Variants in MAP4K4 observed in about 807,000 individuals in gnomAD.
MAP4K4 encodes mitogen-activated protein kinase kinase kinase kinase 4, also known as HPK/GCK-like kinase HGK.
MAP4K4 carries 38 observed loss-of-function variants against 189.6 expected under a neutral mutation model. The observed-to-expected ratio is 0.20, with a 90% CI of 0.15 to 0.26. The LOEUF (loss-of-function observed/expected upper bound fraction) is 0.26, where lower values mean the gene tolerates loss of function less well. Ranked by LOEUF, MAP4K4 falls within the 10% of genes least tolerant of loss-of-function variation. The pLI, the probability that MAP4K4 is intolerant of heterozygous loss-of-function variation, is 1.00. For synonymous variants in MAP4K4, 610 were observed against 624.3 expected (o/e 0.98, Z 0.34); for missense variants, 1,054 against 1,726.9 (o/e 0.61, Z 6.91).
intron 6 of MAP4K4, among the ~76,000 whole-genome samples, chr2:101,830,082 A>G (rs2096549888): frequency 6.6e-6 from 1 of 151,656 alleles, no homozygotes; most frequent in African/African-American, 2.4e-5. Context: ...ACTTGACTTC[A>G]GTTTTGAAGT....
intron 2 of MAP4K4, among the ~76,000 whole-genome samples, chr2:101,786,354 C>T (rs551585045): frequency 7.2e-5 from 11 of 151,784 alleles, no homozygotes; most frequent in Non-Finnish European, 1.5e-4. Flanking sequence ...GAAAATCAGG[C>T]CATTTTCTTC....
At chr2:101,704,723 C>T (rs2041344100) in intron 2 of MAP4K4, among the ~76,000 whole-genome samples, 1 of 150,878 alleles carries the variant, frequency 6.6e-6, no homozygotes, top group Non-Finnish European at 1.5e-5. Context: ...CCAAGCCTGG[C>T]TAATTTTTGT....
rs1468940496 is a variant in MAP4K4, at chr2:101,767,075, A to G, written c.124-23645A>G. ...TATTGGTCCCTTTCCGTAACTAATC[A>G]GAGTTTGAAGTGAAGTTACAAAGTT... On this transcript the variant is annotated intron_variant, in intron 2 of 32. Transcript: ENST00000324219. Among the ~76,000 whole-genome samples, 5 of 152,330 alleles carry G rather than the reference A, an allele frequency of 3.3e-5. No individual in the cohort carries two copies. The East Asian group carries it at 5.8e-4, about 18-fold the overall frequency.
intron 2 of MAP4K4, among the ~76,000 whole-genome samples, chr2:101,725,081 G>C (rs1207579535): frequency 3.3e-5 from 5 of 152,194 alleles, no homozygotes; most frequent in Non-Finnish European, 1.5e-5. Context: ...GTGATGTGAT[G>C]TTTCTCACAT....
At chr2:101,737,439 A>C (rs2060677438) in intron 2 of MAP4K4, among the ~76,000 whole-genome samples, 1 of 31,318 alleles carries the variant, frequency 3.2e-5, no homozygotes, top group Non-Finnish European at 5.4e-5. Context: ...ATATATATAT[A>C]TATATATATA....
Position 101,831,579 on chromosome 2 carries a change from G to A in MAP4K4, c.509-142G>A. The A allele has an allele frequency of 4.5e-6, 4 of 883,316 alleles. No homozygotes were observed. In the South Asian group the frequency reaches 5.8e-5, roughly 13 times the overall value. The allele number at this position is 883,316 out of a possible 1,614,324, so 54.7% of individuals were successfully genotyped here. On this transcript the variant is annotated intron_variant, in intron 6 of 32. Coordinates refer to ENST00000324219, the Ensembl canonical transcript of MAP4K4. The stretch of plus-strand genomic sequence containing the variant: ...GGGGCACTCCTGACCAGTGGTGCCT[G>A]CCTTGAGCAGGATCGCATATTCATG...
intron 12 of MAP4K4, among the ~76,000 whole-genome samples, chr2:101,852,198 A>G (rs2097308110): frequency 6.6e-6 from 1 of 151,606 alleles, no homozygotes; most frequent in African/African-American, 2.4e-5. Context: ...AAATCTCAAG[A>G]CTTCGTGCTC....
chr2:101,877,902 A>G (rs2098258951), intron 27 of MAP4K4, among the ~76,000 whole-genome samples: 1 of 152,018 alleles, frequency 6.6e-6, no homozygotes, highest in Non-Finnish European at 1.5e-5. Context: ...GGCACTTCCC[A>G]CCATGCCCGG....
At chr2:101,881,596 T>G (rs1396930881) in intron 27 of MAP4K4, among the ~76,000 whole-genome samples, 1 of 152,208 alleles carries the variant, frequency 6.6e-6, no homozygotes, top group Non-Finnish European at 1.5e-5. Flanking sequence ...ATCCTTCACT[T>G]GTTCTCTATC....
chr2:101,761,022 T>C (rs2076148911), intron 2 of MAP4K4, among the ~76,000 whole-genome samples: 1 of 152,138 alleles, frequency 6.6e-6, no homozygotes, highest in Non-Finnish European at 1.5e-5. Flanking sequence ...TTGTTTAAAG[T>C]GGAATGTTTA....
exon 32 of MAP4K4, chr2:101,888,902 A>C: frequency 6.2e-7 from 1 of 1,613,150 alleles, no homozygotes; most frequent in South Asian, 1.1e-5. Context: ...AAAGGGCTCA[A>C]AGACTAAAAT....
intron 2 of MAP4K4, among the ~76,000 whole-genome samples, chr2:101,762,253 A>G (rs1315048505): frequency 6.6e-6 from 1 of 152,248 alleles, no homozygotes; most frequent in South Asian, 2.1e-4. Context: ...AGAAATCCTC[A>G]GTAAGAGAAT....
Position 101,859,778 on chromosome 2 carries a change from C to T in MAP4K4, c.1618C>T (p.Pro540Ser). The T allele has an allele frequency of 1.9e-6, 3 of 1,610,772 alleles. No individual in the cohort carries two copies. Among genetic ancestry groups the T allele is most frequent in the Non-Finnish European group, 2.5e-6 (3 of 1,178,746 alleles). Reference sequence around the variant, plus strand: ...GCACCCGCAGCACTCGCAGCAGCCGCCACCACCGCAGCAGGAAAGGAGCAA... The same window carrying T: ...GCACCCGCAGCACTCGCAGCAGCCGTCACCACCGCAGCAGGAAAGGAGCAA... The change falls in exon 15 of 33, where the codon CCA (proline) becomes TCA (serine). Residue 540 changes from proline to serine, a missense_variant. Physicochemically the swap from Pro to Ser is moderately conservative, Grantham distance 74. Transcript: ENST00000324219.
intron 2 of MAP4K4, among the ~76,000 whole-genome samples, chr2:101,776,586 C>A (rs1405080658): frequency 8.4e-6 from 1 of 118,542 alleles, no homozygotes; most frequent in Non-Finnish European, 1.7e-5. Context: ...CCCCACCCCC[C>A]CAAAAAAAAA....
intron 31 of MAP4K4, among the ~76,000 whole-genome samples, chr2:101,888,300 G>A (rs566098029): frequency 1.2e-3 from 190 of 152,298 alleles, no homozygotes; most frequent in Non-Finnish European, 2.1e-3. Context: ...AGACAGAAAG[G>A]GAAGTTATTT....
At chr2:101,817,006 T>TC (rs1309858716) in intron 3 of MAP4K4, among the ~76,000 whole-genome samples, 1 of 152,012 alleles carries the variant, frequency 6.6e-6, no homozygotes, top group Non-Finnish European at 1.5e-5. Flanking sequence ...ACTCTTATTT[T>TC]TTTTTTTTTC....
chr2:101,758,180 A>G (rs906126501), intron 2 of MAP4K4, among the ~76,000 whole-genome samples: 1 of 152,242 alleles, frequency 6.6e-6, no homozygotes, highest in Non-Finnish European at 1.5e-5. Context: ...TAATGGGGGT[A>G]CTACTGTTGT....
intron 3 of MAP4K4, among the ~76,000 whole-genome samples, chr2:101,812,244 G>A (rs1237072476): frequency 6.6e-6 from 1 of 152,144 alleles, no homozygotes; most frequent in African/African-American, 2.4e-5. Flanking sequence ...ACTGACTCAG[G>A]GGACTCCATG....
intron 21 of MAP4K4, 35 bp from the exon 22 acceptor site, chr2:101,869,587 T>C (rs1349943496): frequency 6.4e-7 from 1 of 1,553,210 alleles, no homozygotes. Flanking sequence ...CTGCTCCTGC[T>C]TGCCTTACTC....
Sources: allele counts gnomAD v4.1 joint callset (sites outside exome capture counted in the v4.1 genomes callset), GRCh38; gene constraint gnomAD v4.1.1; transcripts MANE v1.5; gene names NCBI Gene and HGNC (gene_info 2026-07-23, HGNC 2026-07-21).